The following FMNL2 variants were observed in gnomAD, a reference collection of about 807,000 sequenced individuals.
FMNL2 encodes the protein formin-like protein 2.
Under a neutral mutation model 130.2 loss-of-function variants are expected in FMNL2, and 51 were observed. That is an observed-to-expected ratio of 0.39 (90% CI 0.31 to 0.49). FMNL2 has a LOEUF of 0.49. Ranked by LOEUF, FMNL2 falls within the 20% of genes least tolerant of loss-of-function variation. The probability of loss-of-function intolerance (pLI) is 0.85; values close to 1 mark genes in which losing one functional copy is unlikely to be tolerated. For synonymous variants in FMNL2, 465 were observed against 467.1 expected (o/e 1.00, Z 0.06); for missense variants, 977 against 1,316.2 (o/e 0.74, Z 3.99).
At chr2:152,547,498 G>T (rs566280591) in intron 3 of FMNL2, among the ~76,000 whole-genome samples, 1 of 152,210 alleles carries the variant, frequency 6.6e-6, no homozygotes, top group African/African-American at 2.4e-5. Context: ...CATTTATGGA[G>T]GAACTGTGAG....
At chr2:152,360,043 G>A (rs989887234) in intron 1 of FMNL2, among the ~76,000 whole-genome samples, 2 of 152,162 alleles carry the variant, frequency 1.3e-5, no homozygotes, top group Admixed American at 6.5e-5. Flanking sequence ...TAACAAGCTT[G>A]TAGGCTGTAA....
chr2:152,620,604 T>C (rs1321626775), intron 15 of FMNL2, among the ~76,000 whole-genome samples: 3 of 152,208 alleles, frequency 2.0e-5, no homozygotes, highest in Non-Finnish European at 2.9e-5. Flanking sequence ...AATAAAGAAC[T>C]ACCACTCTAA....
chr2:152,517,386 C>G (rs1692833259), intron 1 of FMNL2, among the ~76,000 whole-genome samples: 1 of 152,240 alleles, frequency 6.6e-6, no homozygotes, highest in East Asian at 1.9e-4. Flanking sequence ...GTTTGCCATA[C>G]TGTGCCATAC....
In FMNL2 at chr2:152,640,925, T is replaced by C. The variant is rs1683030099; in HGVS notation, c.3169+11T>C. 2.5e-6 allele frequency: 4 copies of C among 1,613,280 alleles called. No individual in the cohort carries two copies. The East Asian group carries it at 6.7e-5, about 27-fold the overall frequency. On this transcript the variant is annotated intron_variant, in intron 25 of 25. Coordinates refer to ENST00000288670, the MANE Select transcript of FMNL2 (RefSeq NM_052905.4). ...AAGATATTATCACAGGTAAAAGATA[T>C]TTCTTCACTGTGGCCCATGGAGATC... is the stretch of plus-strand genomic sequence containing the variant.
Position 152,649,739 on chromosome 2 carries a change from A to G in FMNL2, c.*1834A>G, listed in dbSNP as rs1683918329. The stretch of plus-strand genomic sequence containing the variant: ...CTATTAATGGGCCTGCTTCTTAGCA[A>G]TATTAGAATGTTTTATAAAAGCAAT... On this transcript the variant is annotated 3_prime_UTR_variant, in exon 26 of 26. Transcript: ENST00000288670. 1 of 152,672 alleles carries G rather than the reference A, an allele frequency of 6.5e-6. No homozygotes were observed. The highest frequency in any genetic ancestry group is 1.5e-5 in the Non-Finnish European group (1 of 68,040). The allele number at this position is 152,672 out of a possible 1,614,324, so 9.5% of individuals were successfully genotyped here.
intron 3 of FMNL2, among the ~76,000 whole-genome samples, chr2:152,543,320 C>A (rs539471542): frequency 6.6e-6 from 1 of 152,004 alleles, no homozygotes; most frequent in African/African-American, 2.4e-5. Context: ...TAGCTGATTC[C>A]ATTCTCAACA....
chr2:152,534,733 T>C (rs558522789), intron 2 of FMNL2, among the ~76,000 whole-genome samples: 111 of 152,270 alleles, frequency 7.3e-4, no homozygotes, highest in African/African-American at 2.6e-3. Context: ...TAAAGAAACC[T>C]ACTCAATATT....
intron 10 of FMNL2, 22 bp from the exon 11 acceptor site, chr2:152,611,473 C>A: frequency 1.4e-6 from 2 of 1,470,864 alleles, no homozygotes; most frequent in Non-Finnish European, 1.9e-6. Flanking sequence ...GCCCATCTAA[C>A]CCCTTGACAA....
chr2:152,609,517 C>G (rs1399189284), intron 10 of FMNL2, among the ~76,000 whole-genome samples: 1 of 151,896 alleles, frequency 6.6e-6, no homozygotes, highest in Non-Finnish European at 1.5e-5. Flanking sequence ...TTTTTGTGGA[C>G]AAAAGAAAAC....
chr2:152,617,315 A>G (rs1251721053), intron 13 of FMNL2, 123 bp downstream of exon 13: 11 of 855,206 alleles, frequency 1.3e-5, no homozygotes, highest in Non-Finnish European at 1.8e-5. Context: ...ATTTATTGGA[A>G]ACCTTTGAGA....
At chr2:152,354,534 G>A (rs1682682386) in intron 1 of FMNL2, among the ~76,000 whole-genome samples, 1 of 152,108 alleles carries the variant, frequency 6.6e-6, no homozygotes, top group South Asian at 2.1e-4. Context: ...ATATTAATCT[G>A]TTTGGGTTGC....
chr2:152,437,480 G>T (rs1212569765), intron 1 of FMNL2, among the ~76,000 whole-genome samples: 1 of 152,114 alleles, frequency 6.6e-6, no homozygotes, highest in Non-Finnish European at 1.5e-5. Context: ...CCCCCCCTGC[G>T]GTGAAAAAGA....
chr2:152,457,063 C>T (rs139349233), intron 1 of FMNL2, among the ~76,000 whole-genome samples: 131 of 151,564 alleles, frequency 8.6e-4, no homozygotes, highest in African/African-American at 2.8e-3. Context: ...TTTTAGTGCC[C>T]GAAGAATGGA....
chr2:152,460,544 C>T (rs866240542), intron 1 of FMNL2, among the ~76,000 whole-genome samples: 3 of 152,164 alleles, frequency 2.0e-5, no homozygotes, highest in Non-Finnish European at 2.9e-5. Context: ...CCACAACTGC[C>T]CTCTTCATAG....
At chr2:152,340,240 A>T (rs140080380) in intron 1 of FMNL2, among the ~76,000 whole-genome samples, 1 of 152,182 alleles carries the variant, frequency 6.6e-6, no homozygotes, top group African/African-American at 2.4e-5. Context: ...TAAATAACCA[A>T]TCTAGTCTTT....
intron 9 of FMNL2, among the ~76,000 whole-genome samples, chr2:152,598,128 C>G (rs931256547): frequency 2.6e-5 from 4 of 152,168 alleles, no homozygotes; most frequent in Non-Finnish European, 5.9e-5. Flanking sequence ...GCCCCAAGAT[C>G]TGAAATTGCT....
intron 2 of FMNL2, among the ~76,000 whole-genome samples, chr2:152,534,987 A>C (rs187449584): frequency 6.6e-6 from 1 of 152,298 alleles, no homozygotes; most frequent in Non-Finnish European, 1.5e-5. Flanking sequence ...TGTGGAATGA[A>C]TCTGTCGTGC....
chr2:152,615,719 G>C (rs1301573935), intron 12 of FMNL2, among the ~76,000 whole-genome samples: 1 of 152,166 alleles, frequency 6.6e-6, no homozygotes, highest in Non-Finnish European at 1.5e-5. Flanking sequence ...AAAAACCCAA[G>C]CATTATGAAG....
rs573320410 is a variant in FMNL2, at chr2:152,544,418, A to AAAAT, written c.282+1613_282+1616dup. Among the ~76,000 whole-genome samples, 7 of 152,292 alleles carry AAAAT rather than the reference A, an allele frequency of 4.6e-5. No homozygotes were observed. In the East Asian group the frequency reaches 1.4e-3, roughly 29 times the overall value. On this transcript the variant is annotated intron_variant, in intron 3 of 25. Coordinates refer to ENST00000288670, the MANE Select transcript of FMNL2 (RefSeq NM_052905.4). ...AGCAAAAAACTGTGTCTCAAAAAGA[A>AAAAT]AAATAAATAAATAAATACAGACACA... is the stretch of plus-strand genomic sequence containing the variant.
Sources: gnomAD v4.1 joint callset for allele counts (sites outside exome capture counted in the v4.1 genomes callset) on GRCh38, gnomAD v4.1.1 for gene constraint, MANE v1.5 for transcripts, NCBI Gene and HGNC (gene_info 2026-07-23, HGNC 2026-07-21) for gene names.